CSMD1: variants seen among roughly 807,000 people sequenced by gnomAD.
The protein encoded by CSMD1 is CUB and Sushi multiple domains 1.
Under a neutral mutation model 417.5 loss-of-function variants are expected in CSMD1, and 213 were observed. That is an observed-to-expected ratio of 0.51 (90% CI 0.46 to 0.57). CSMD1 has a LOEUF of 0.57. CSMD1 is among the 20% of genes least tolerant of loss of function. The probability of loss-of-function intolerance (pLI) is 0.00; values close to 1 mark genes in which losing one functional copy is unlikely to be tolerated. For missense variants in CSMD1, 6,923 were observed against 4,529.7 expected, an observed-to-expected ratio of 1.53 and a Z score of -15.17; for synonymous variants, 2,862 against 1,736.8, an observed-to-expected ratio of 1.65 and a Z score of -16.11.
In CSMD1 at chr8:4,236,039, G is replaced by GTTTTTTTTTTTTTTTT. The variant is rs869245155; in HGVS notation, c.415+183898_415+183913dup. Among the ~76,000 whole-genome samples the GTTTTTTTTTTTTTTTT allele has an allele frequency of 1.4e-3, 45 of 31,706 alleles. 3 individuals are homozygous for GTTTTTTTTTTTTTTTT. Among genetic ancestry groups the GTTTTTTTTTTTTTTTT allele is most frequent in the African/African-American group, 3.0e-3 (44 of 14,558 alleles). 20.8% of individuals were successfully genotyped at this position (31,706 alleles called of 152,430 possible). A position where few individuals can be genotyped will look rare whatever the true frequency, so the allele number is the denominator to read the frequency against. On this transcript the variant is annotated intron_variant, in intron 3 of 69. Coordinates refer to ENST00000635120, the MANE Select transcript of CSMD1 (RefSeq NM_033225.6). ...TTAATGGATATTGTTTTTTTTGTTTGTTTTTTTTTTTTTTTTTTTTTTTTT... is the reference window on the plus strand; with the variant it reads ...TTAATGGATATTGTTTTTTTTGTTTGTTTTTTTTTTTTTTTTTTTTTTTTTTTTTTTTTTTTTTTTT...
chr8:4,307,337 A>C lies in CSMD1; in HGVS notation c.415+112616T>G, dbSNP rs192428514. On this transcript the variant is annotated intron_variant, in intron 3 of 69. Coordinates refer to ENST00000635120, the MANE Select transcript of CSMD1 (RefSeq NM_033225.6). ...ATCACACATGTCCACATTGAGGCTG[A>C]AAATGAGTCAGAGCAATGGGAGAGG... 1.2e-4 allele frequency among the ~76,000 whole-genome samples: 19 copies of C among 152,314 alleles called. No individual in the cohort carries two copies. In the East Asian group the frequency reaches 2.5e-3, roughly 20 times the overall value.
intron 2 of CSMD1, among the ~76,000 whole-genome samples, chr8:4,608,373 G>A (rs762369388): frequency 1.1e-4 from 17 of 152,192 alleles, no homozygotes; most frequent in Non-Finnish European, 2.2e-4. Flanking sequence ...GGAACATGGT[G>A]GAGTGGCAGA....
At chr8:4,446,819 C>T (rs111711473) in intron 2 of CSMD1, among the ~76,000 whole-genome samples, 5 of 148,426 alleles carry the variant, frequency 3.4e-5, no homozygotes, top group East Asian at 2.0e-4. Context: ...GCCAAGTTTT[C>T]TCCATCTTGG....
rs1796480745 is a variant in CSMD1, at chr8:4,015,581, T to C, written c.610+16324A>G. Among the ~76,000 whole-genome samples, 6 of 149,180 alleles carry C rather than the reference T, an allele frequency of 4.0e-5. No individual in the cohort carries two copies. The South Asian group carries it at 1.3e-3, about 32-fold the overall frequency. On this transcript the variant is annotated intron_variant, in intron 4 of 69. Coordinates refer to ENST00000635120, the MANE Select transcript of CSMD1 (RefSeq NM_033225.6). ...TCAGTGCTACTGCTATGTTATTTAG[T>C]GGCATCTTGGCCCAATGACTATCAT...
chr8:3,424,078 A>G (rs189300897), intron 12 of CSMD1, among the ~76,000 whole-genome samples: 5 of 152,320 alleles, frequency 3.3e-5, no homozygotes, highest in Admixed American at 1.3e-4. Flanking sequence ...TTTATGTTCA[A>G]TGCACCCATT....
At chr8:4,874,842 T>C (rs1321703382) in intron 1 of CSMD1, among the ~76,000 whole-genome samples, 1 of 149,296 alleles carries the variant, frequency 6.7e-6, no homozygotes, top group African/African-American at 2.5e-5. Context: ...CTGGTTTATA[T>C]ATATATAATA....
At chr8:2,983,486 T>G (rs907286106) in intron 54 of CSMD1, among the ~76,000 whole-genome samples, 3 of 152,196 alleles carry the variant, frequency 2.0e-5, no homozygotes, top group African/African-American at 7.2e-5. Flanking sequence ...TCGCCCAGTC[T>G]TTCTGTTGTA....
intron 11 of CSMD1, among the ~76,000 whole-genome samples, chr8:3,490,779 G>T (rs969356013): frequency 2.0e-5 from 3 of 152,158 alleles, no homozygotes; most frequent in African/African-American, 7.2e-5. Context: ...TCAAAGGCAG[G>T]CAGTGTGTGC....
intron 3 of CSMD1, among the ~76,000 whole-genome samples, chr8:4,073,488 C>T (rs986409705): frequency 6.6e-6 from 1 of 152,130 alleles, no homozygotes; most frequent in Non-Finnish European, 1.5e-5. Context: ...TTCTGGCTGT[C>T]CTCATCCAAT....
intron 3 of CSMD1, among the ~76,000 whole-genome samples, chr8:4,036,956 G>GGTGTGTGTGTGT (rs57139782): frequency 2.7e-5 from 4 of 146,034 alleles, no homozygotes; most frequent in Admixed American, 6.8e-5. Context: ...GTGAGTGTGG[G>GGTGTGTGTGTGT]GTGTGTGTGT....
intron 12 of CSMD1, among the ~76,000 whole-genome samples, chr8:3,411,280 T>C (rs1047837009): frequency 1.3e-5 from 2 of 152,202 alleles, no homozygotes; most frequent in Non-Finnish European, 2.9e-5. Flanking sequence ...GAATTCTTCA[T>C]GGGCTTGCAC....
At chr8:3,708,797 T>C (rs1021290966) in intron 6 of CSMD1, among the ~76,000 whole-genome samples, 16 of 152,200 alleles carry the variant, frequency 1.1e-4, no homozygotes, top group Non-Finnish European at 1.8e-4. Flanking sequence ...CACCAATCAT[T>C]ATCATTCCCC....
intron 11 of CSMD1, among the ~76,000 whole-genome samples, chr8:3,476,140 C>G (rs1483572144): frequency 6.6e-6 from 1 of 152,146 alleles, no homozygotes; most frequent in East Asian, 1.9e-4. Flanking sequence ...TCCAGGAGTT[C>G]AAGACTAGCC....
intron 3 of CSMD1, among the ~76,000 whole-genome samples, chr8:4,116,195 T>C (rs974295315): frequency 6.6e-6 from 1 of 151,936 alleles, no homozygotes; most frequent in African/African-American, 2.4e-5. Context: ...GGTTTCCCCA[T>C]GTTGGCCAGG....
At chr8:3,288,873 C>A (rs548915492) in intron 25 of CSMD1, among the ~76,000 whole-genome samples, 10 of 146,564 alleles carry the variant, frequency 6.8e-5, no homozygotes, top group Non-Finnish European at 1.3e-4. Flanking sequence ...ATGTGCACAA[C>A]CTACAGGTTT....
chr8:3,230,479 A>T (rs1798770792), intron 26 of CSMD1, among the ~76,000 whole-genome samples: 1 of 142,862 alleles, frequency 7.0e-6, no homozygotes, highest in Admixed American at 6.9e-5. Flanking sequence ...AAATATATCA[A>T]GGGTTTTTTT....
chr8:4,722,462 G>C (rs1039147393), intron 1 of CSMD1, among the ~76,000 whole-genome samples: 2 of 152,120 alleles, frequency 1.3e-5, no homozygotes, highest in Non-Finnish European at 2.9e-5. Flanking sequence ...ATTTTGTACT[G>C]CAGTCTGAAG....
chr8:4,261,086 A>G (rs547900700), intron 3 of CSMD1, among the ~76,000 whole-genome samples: 17 of 152,302 alleles, frequency 1.1e-4, no homozygotes, highest in African/African-American at 3.8e-4. Flanking sequence ...TGTGCTATAT[A>G]TAATTTTTCT....
chr8:3,363,013 A>T (rs965649850), intron 20 of CSMD1, among the ~76,000 whole-genome samples: 2 of 152,208 alleles, frequency 1.3e-5, no homozygotes, highest in African/African-American at 2.4e-5. Context: ...CAAGTTACTT[A>T]TGTTATCTGC....
Sources: allele counts gnomAD v4.1 joint callset (sites outside exome capture counted in the v4.1 genomes callset), GRCh38; gene constraint gnomAD v4.1.1; transcripts MANE v1.5; gene names NCBI Gene and HGNC (gene_info 2026-07-23, HGNC 2026-07-21).